ERG: variants seen among roughly 807,000 people sequenced by gnomAD.
ERG encodes transcriptional regulator ERG.
ERG carries 9 observed loss-of-function variants against 55.3 expected under a neutral mutation model. The ratio of observed to expected loss-of-function variants is 0.16; its 90% confidence interval spans 0.10 to 0.28. ERG has a LOEUF of 0.28. ERG is among the 10% of genes least tolerant of loss of function. ERG has a pLI of 1.00. For missense variants in ERG, 434 were observed against 631.6 expected (o/e 0.69, Z 3.35); for synonymous variants, 223 against 237.3 (o/e 0.94, Z 0.55).
At chr21:38,432,481 T>C (rs186744154) in intron 2 of ERG, among the ~76,000 whole-genome samples, 4 of 152,208 alleles carry the variant, frequency 2.6e-5, no homozygotes, top group Admixed American at 6.5e-5. Context: ...GCACTGTGGG[T>C]AAACAACTCT....
intron 1 of ERG, among the ~76,000 whole-genome samples, chr21:38,455,963 C>A (rs1374326905): frequency 6.6e-6 from 1 of 151,690 alleles, no homozygotes; most frequent in Non-Finnish European, 1.5e-5. Context: ...CGCAAGACCA[C>A]AGGGCCACTG....
At chr21:38,390,154 A>T (rs1220940358) in intron 9 of ERG, among the ~76,000 whole-genome samples, 1 of 152,220 alleles carries the variant, frequency 6.6e-6, no homozygotes, top group African/African-American at 2.4e-5. Context: ...ATCTGAATAC[A>T]AACAAATAAA....
intron 1 of ERG, among the ~76,000 whole-genome samples, chr21:38,602,185 C>T (rs1413309398): frequency 6.6e-6 from 1 of 152,202 alleles, no homozygotes; most frequent in Non-Finnish European, 1.5e-5. Flanking sequence ...TGGCTCACGC[C>T]TGTAATCCCA....
chr21:38,544,505 A>G (rs1414701689), intron 2 of ERG, among the ~76,000 whole-genome samples: 1 of 152,208 alleles, frequency 6.6e-6, no homozygotes, highest in Admixed American at 6.5e-5. Context: ...AGGTGGTACC[A>G]GTGGGATCTG....
At chr21:38,572,899 G>C (rs1047198112) in intron 2 of ERG, among the ~76,000 whole-genome samples, 1 of 152,186 alleles carries the variant, frequency 6.6e-6, no homozygotes, top group Non-Finnish European at 1.5e-5. Flanking sequence ...CTGTGTCTAT[G>C]TAGAAAGGAA....
At chr21:38,413,096 G>T (rs191439085) in intron 3 of ERG, among the ~76,000 whole-genome samples, 2 of 152,190 alleles carry the variant, frequency 1.3e-5, no homozygotes, top group African/African-American at 4.8e-5. Flanking sequence ...TTCATTCCTT[G>T]CCCCTAGTTG....
chr21:38,434,518 C>T (rs1421212808), intron 2 of ERG, among the ~76,000 whole-genome samples: 1 of 152,198 alleles, frequency 6.6e-6, no homozygotes, highest in Non-Finnish European at 1.5e-5. Context: ...TCTGTATTTT[C>T]TCAGTAAGTG....
chr21:38,415,787 C>T (rs990216604), intron 3 of ERG, among the ~76,000 whole-genome samples: 2 of 152,068 alleles, frequency 1.3e-5, no homozygotes, highest in Admixed American at 1.3e-4. Context: ...CCTGCAACCC[C>T]TGCGAGTCTG....
At chr21:38,543,356 T>G (rs1036675742) in intron 2 of ERG, among the ~76,000 whole-genome samples, 1 of 35,464 alleles carries the variant, frequency 2.8e-5, no homozygotes, top group Non-Finnish European at 5.6e-5. Flanking sequence ...TATATGTGTG[T>G]TTTTTTTTAA....
At chr21:38,409,273 G>C (rs2018567) in intron 3 of ERG, among the ~76,000 whole-genome samples, 131,977 of 151,972 alleles carry the variant, frequency 0.87, 57,842 homozygotes, top group Non-Finnish European at 0.94. Flanking sequence ...CACCTGAGGT[G>C]AAGGGTTTGA....
At chr21:38,588,274 G>A (rs1020788551), upstream of ERG, among the ~76,000 whole-genome samples, 2 of 152,134 alleles carry the variant, frequency 1.3e-5, no homozygotes, top group African/African-American at 2.4e-5. Flanking sequence ...AGCAACGGCA[G>A]AAAGCCAAGG....
At chr21:38,418,972 A>G (rs1255921638) in intron 3 of ERG, among the ~76,000 whole-genome samples, 4 of 150,726 alleles carry the variant, frequency 2.7e-5, no homozygotes, top group Non-Finnish European at 5.9e-5. Flanking sequence ...AAAGAAAAAC[A>G]CTTTCTAGTC....
intron 2 of ERG, among the ~76,000 whole-genome samples, chr21:38,543,777 C>T (rs2059770568): frequency 7.0e-6 from 1 of 141,946 alleles, no homozygotes; most frequent in Admixed American, 7.3e-5. Context: ...CACTCTGTTG[C>T]CCAGGCTGGA....
Position 38,381,658 on chromosome 21 carries a change from CAACAAATG to C in ERG, c.*1737_*1744del. ...TACGAGTGGTAGCTTGTTCACTGTTCAACAAATGTATTTTAATCATAGCAGGAATTAAG... is the reference window on the plus strand; with the variant it reads ...TACGAGTGGTAGCTTGTTCACTGTTCTATTTTAATCATAGCAGGAATTAAG... On this transcript the variant is annotated 3_prime_UTR_variant, in exon 10 of 10. Transcript: ENST00000288319. 1.9e-6 allele frequency: 2 copies of C among 1,063,480 alleles called. No homozygotes were observed. The highest frequency in any genetic ancestry group is 1.1e-6 in the Non-Finnish European group (1 of 878,184). The allele number at this position is 1,063,480 out of a possible 1,614,324, so 65.9% of individuals were successfully genotyped here.
chr21:38,469,161 C>T (rs2059118751), intron 1 of ERG, among the ~76,000 whole-genome samples: 1 of 151,804 alleles, frequency 6.6e-6, no homozygotes, highest in Admixed American at 6.6e-5. Context: ...TGGTTTCAGT[C>T]AGAGAATCCA....
chr21:38,436,544 T>TTCACTTTCAC (rs2058791999), intron 2 of ERG, among the ~76,000 whole-genome samples: 1 of 152,180 alleles, frequency 6.6e-6, no homozygotes, highest in African/African-American at 2.4e-5. Context: ...ATGGCCAACT[T>TTCACTTTCAC]TCACTTTCAC....
intron 1 of ERG, among the ~76,000 whole-genome samples, chr21:38,580,170 G>A (rs946764658): frequency 6.6e-6 from 1 of 152,016 alleles, no homozygotes; most frequent in African/African-American, 2.4e-5. Flanking sequence ...CGGCCAGATG[G>A]TCTCGATCTC....
At chr21:38,481,598 A>AT (rs1368426817) in intron 1 of ERG, among the ~76,000 whole-genome samples, 3 of 152,228 alleles carry the variant, frequency 2.0e-5, no homozygotes, top group Non-Finnish European at 2.9e-5. Flanking sequence ...ATTAATCTTT[A>AT]TTATAAAGCA....
intron 1 of ERG, among the ~76,000 whole-genome samples, chr21:38,631,206 A>T (rs1465058243): frequency 6.6e-6 from 1 of 152,190 alleles, no homozygotes; most frequent in East Asian, 1.9e-4. Context: ...CCTTGAGAAA[A>T]AAGATTTGGC....
Sources: allele counts gnomAD v4.1 joint callset (sites outside exome capture counted in the v4.1 genomes callset), GRCh38; gene constraint gnomAD v4.1.1; transcripts MANE v1.5; gene names NCBI Gene and HGNC (gene_info 2026-07-23, HGNC 2026-07-21).